Variants in PLEK2 observed in about 807,000 individuals in gnomAD.
PLEK2 encodes the protein pleckstrin-2.
A neutral mutation model predicts 43.8 loss-of-function variants in PLEK2; 29 were observed. The ratio of observed to expected loss-of-function variants is 0.66; its 90% CI spans 0.49 to 0.90. PLEK2 has a LOEUF of 0.90. Among genes scored for constraint, PLEK2 ranks in the 40% least tolerant of loss-of-function variants. The probability of loss-of-function intolerance (pLI) is 0.00; values close to 1 mark genes in which losing one functional copy is unlikely to be tolerated. For synonymous variants in PLEK2, 162 were observed against 173.2 expected, an observed-to-expected ratio of 0.94 and a Z score of 0.51; for missense variants, 398 against 448.1, an observed-to-expected ratio of 0.89 and a Z score of 1.01.
chr14:67,398,722 A>G (rs2086028125), intron 1 of PLEK2, among the ~76,000 whole-genome samples: 1 of 151,894 alleles, frequency 6.6e-6, no homozygotes, highest in Admixed American at 6.6e-5. Flanking sequence ...ACACCCGGCT[A>G]ATTTTTAAAT....
rs544298255 is a variant in PLEK2 at position 67,407,601 on chromosome 14, T to C, written c.42+4417A>G. Among the ~76,000 whole-genome samples the C allele has an allele frequency of 7.2e-5, 11 of 151,864 alleles. No homozygotes were observed. In the South Asian group the frequency reaches 2.3e-3, roughly 32 times the overall value. On this transcript the variant is annotated intron_variant, in intron 1 of 8. Coordinates refer to ENST00000216446, the MANE Select transcript of PLEK2 (RefSeq NM_016445.3). ...GACTACAAGCGAGTACCACCATGAC[T>C]GGCTAATTATTTTATTTTTTGTAGA... is the stretch of plus-strand genomic sequence containing the variant.
In PLEK2 at chr14:67,412,014, T is replaced by C. The variant is rs1721527552; in HGVS notation, c.42+4A>G. On this transcript the variant is annotated splice_donor_region_variant and intron_variant, in intron 1 of 8. Transcript: ENST00000216446. The stretch of plus-strand genomic sequence containing the variant: ...CAATGTCCCGAAGCTCGACGCGCAC[T>C]CACCCTCTTGACCAGGAAGCCCTCC... The C allele has an allele frequency of 6.4e-7, 1 of 1,551,730 alleles. No individual in the cohort carries two copies.
intron 1 of PLEK2, among the ~76,000 whole-genome samples, chr14:67,399,111 G>A (rs934433864): frequency 6.6e-6 from 1 of 152,192 alleles, no homozygotes; most frequent in Non-Finnish European, 1.5e-5. Context: ...GGCAATATGA[G>A]GCCACTTACA....
At chr14:67,397,251 A>G (rs2086017892) in intron 2 of PLEK2, among the ~76,000 whole-genome samples, 1 of 152,102 alleles carries the variant, frequency 6.6e-6, no homozygotes, top group Non-Finnish European at 1.5e-5. Context: ...GACTTTTTTA[A>G]TGGTAGAGTT....
At position 67,387,136 on chromosome 14, in the gene PLEK2, G is replaced by T; in HGVS notation, c.*193C>A. 2.0e-6 allele frequency: 1 copy of T among 495,376 alleles called. No homozygotes were observed. The highest frequency in any genetic ancestry group is 3.5e-6 in the Non-Finnish European group (1 of 288,210). The allele number at this position is 495,376 out of a possible 1,614,324, so 30.7% of individuals were successfully genotyped here. The stretch of plus-strand genomic sequence containing the variant: ...CTAATGGCTGTTCTAGCCTTTCCAG[G>T]TTTGTAACATGAAGATGGGGAAGGA... On this transcript the variant is annotated 3_prime_UTR_variant, in exon 9 of 9. Coordinates refer to ENST00000216446, the MANE Select transcript of PLEK2 (RefSeq NM_016445.3).
In PLEK2 at chr14:67,392,737, G is replaced by T; in HGVS notation, c.594C>A (p.Val198=). The T allele has an allele frequency of 6.2e-7, 1 of 1,614,168 alleles. No homozygotes were observed. The highest frequency in any genetic ancestry group is 8.5e-7 in the Non-Finnish European group (1 of 1,179,986). ...MEENFLRPVG[V]RSMGAIRSGD... ...CAGAGCGAATGGCTCCCATGCTTCGGACACCCACAGGCCTGAGGAAGTTCT... is the reference window on the plus strand; with the variant it reads ...CAGAGCGAATGGCTCCCATGCTTCGTACACCCACAGGCCTGAGGAAGTTCT... The change falls in exon 5 of 9, where the codon GTC becomes GTA. Residue 198 remains valine (V), a synonymous_variant. Transcript: ENST00000216446.
At chr14:67,393,673 C>T (rs755545333) in intron 3 of PLEK2, among the ~76,000 whole-genome samples, 4 of 152,038 alleles carry the variant, frequency 2.6e-5, no homozygotes, top group Non-Finnish European at 5.9e-5. Flanking sequence ...AGGCTGGTCT[C>T]GAACTCCTGA....
At chr14:67,387,899 T>A (rs1260800099) in intron 8 of PLEK2, among the ~76,000 whole-genome samples, 3 of 152,232 alleles carry the variant, frequency 2.0e-5, no homozygotes, top group Non-Finnish European at 4.4e-5. Context: ...GTGAAATTAG[T>A]ATTATGATAC....
At chr14:67,395,142 TG>T (rs1373079099) in intron 3 of PLEK2, among the ~76,000 whole-genome samples, 1 of 152,070 alleles carries the variant, frequency 6.6e-6, no homozygotes, top group Non-Finnish European at 1.5e-5. Flanking sequence ...TGAAATGGAA[TG>T]GGGGTCTTGT....
rs1298945694 is a variant in PLEK2 at position 67,397,591 on chromosome 14, T to C, written c.207+71A>G. The C allele has an allele frequency of 2.2e-6, 3 of 1,352,750 alleles. No homozygotes were observed. In the African/African-American group the frequency reaches 4.4e-5, roughly 20 times the overall value. 83.8% of individuals were successfully genotyped at this position (1,352,750 alleles called of 1,614,324 possible). A position where few individuals can be genotyped will look rare whatever the true frequency, so the allele number is the denominator to read the frequency against. ...GAGCTCTTCCTCCTACCCACACCAC[T>C]TTCCCAAAGAGGCCAGAGGTGGGAA... is the stretch of plus-strand genomic sequence containing the variant. On this transcript the variant is annotated intron_variant, in intron 2 of 8. Coordinates refer to ENST00000216446, the MANE Select transcript of PLEK2 (RefSeq NM_016445.3).
chr14:67,392,249 CCTT>C, intron 6 of PLEK2, 74 bp downstream of exon 6: 2 of 992,050 alleles, frequency 2.0e-6, no homozygotes, highest in Non-Finnish European at 3.2e-6. Flanking sequence ...TCAGCCCTTC[CCTT>C]CTTCTGGGCT....
chr14:67,399,361 T>G (rs7154055), intron 1 of PLEK2, among the ~76,000 whole-genome samples: 54 of 126,312 alleles, frequency 4.3e-4, no homozygotes, highest in Admixed American at 2.0e-3. Flanking sequence ...GTTTAGGTGG[T>G]TCTCAGGTGG....
rs531664296 is a variant in PLEK2 at position 67,400,040 on chromosome 14, T to G, written c.43-2214A>C. Among the ~76,000 whole-genome samples, 9 of 152,330 alleles carry G rather than the reference T, an allele frequency of 5.9e-5. No individual in the cohort carries two copies. The East Asian group carries it at 1.5e-3, about 26-fold the overall frequency. On this transcript the variant is annotated intron_variant, in intron 1 of 8. Coordinates refer to ENST00000216446, the MANE Select transcript of PLEK2 (RefSeq NM_016445.3). ...TATGGATTCATATCAAAGGCCCTTT[T>G]AGTTCTCAATCTCTGGTGCTATGAT...
At chr14:67,405,434 CA>C (rs537697419) in intron 1 of PLEK2, among the ~76,000 whole-genome samples, 233 of 152,086 alleles carry the variant, frequency 1.5e-3, no homozygotes, top group Non-Finnish European at 2.8e-3. Context: ...GGCACCAAGG[CA>C]AAGATGAACA....
At chr14:67,399,272 T>C (rs1320952390) in intron 1 of PLEK2, among the ~76,000 whole-genome samples, 2 of 150,670 alleles carry the variant, frequency 1.3e-5, no homozygotes, top group Non-Finnish European at 1.5e-5. Flanking sequence ...AAGGGTCGTT[T>C]AGGTGGTTCT....
chr14:67,389,811 T>G (rs2085954137), intron 7 of PLEK2, among the ~76,000 whole-genome samples: 1 of 152,022 alleles, frequency 6.6e-6, no homozygotes. Flanking sequence ...CATTTGTTTA[T>G]TTTTTCCTTG....
chr14:67,401,985 G>A (rs2086051375), intron 1 of PLEK2, among the ~76,000 whole-genome samples: 1 of 152,134 alleles, frequency 6.6e-6, no homozygotes, highest in Admixed American at 6.5e-5. Flanking sequence ...ATAAAAATTA[G>A]CTGGGCATGG....
chr14:67,400,993 A>AAATAATAAT (rs142279546), intron 1 of PLEK2, among the ~76,000 whole-genome samples: 2 of 150,674 alleles, frequency 1.3e-5, no homozygotes, highest in African/African-American at 4.9e-5. Flanking sequence ...CTGCCTCTTA[A>AAATAATAAT]AATAATAATA....
At chr14:67,407,444 A>T (rs566061726) in intron 1 of PLEK2, among the ~76,000 whole-genome samples, 2 of 151,116 alleles carry the variant, frequency 1.3e-5, no homozygotes, top group Non-Finnish European at 2.9e-5. Context: ...TTTTTTAATT[A>T]AAAAAAATGT....
Sources: gnomAD v4.1 joint callset for allele counts (sites outside exome capture counted in the v4.1 genomes callset) on GRCh38, gnomAD v4.1.1 for gene constraint, MANE v1.5 for transcripts, NCBI Gene and HGNC (gene_info 2026-07-23, HGNC 2026-07-21) for gene names.